Variants in LINGO2 observed in about 807,000 individuals in gnomAD.
LINGO2 encodes leucine rich repeat and Ig domain containing 2, also known as leucine-rich repeat and immunoglobulin-like domain-containing nogo receptor-interacting protein 2.
In LINGO2, 14 loss-of-function variants were observed where a neutral mutation model predicts 30.6. That is an observed-to-expected ratio of 0.46 (90% CI 0.30 to 0.72). LINGO2 has a LOEUF of 0.72. LINGO2 is among the 30% of genes least tolerant of loss of function. The probability of loss-of-function intolerance (pLI) is 0.07; values close to 1 mark genes in which losing one functional copy is unlikely to be tolerated. For synonymous variants in LINGO2, 317 were observed against 288.5 expected (o/e 1.10, Z -1.00); for missense variants, 729 against 751.7 (o/e 0.97, Z 0.35).
At chr9:28,183,146 C>T (rs1819417747) in intron 4 of LINGO2, among the ~76,000 whole-genome samples, 1 of 152,114 alleles carries the variant, frequency 6.6e-6, no homozygotes, top group African/African-American at 2.4e-5. Flanking sequence ...GAGATCATGT[C>T]CTTTGCAGGG....
the LINGO2 span, among the ~76,000 whole-genome samples, chr9:29,180,173 A>G: frequency 6.6e-6 from 1 of 152,156 alleles, no homozygotes; most frequent in African/African-American, 2.4e-5. Flanking sequence ...CCTCTTTCAC[A>G]TACATAAACA....
chr9:28,302,909 A>C, intron 3 of LINGO2, among the ~76,000 whole-genome samples: 1 of 152,160 alleles, frequency 6.6e-6, no homozygotes, highest in East Asian at 1.9e-4. Context: ...CAGAAAAGAT[A>C]AGTAGCTTGC....
In LINGO2 at chr9:28,377,547, T is replaced by TG. The variant is rs970945628; in HGVS notation, c.-278-4680dup. 5.9e-5 allele frequency among the ~76,000 whole-genome samples: 9 copies of TG among 152,164 alleles called. No individual in the cohort carries two copies. The South Asian group carries it at 6.2e-4, about 11-fold the overall frequency. On this transcript the variant is annotated intron_variant, in intron 2 of 5. Coordinates refer to ENST00000379992, the Ensembl canonical transcript of LINGO2. ...TTATACACAGATTTTCAACTGTGTG[T>TG]GGGGGGGTTAGTTTCCCAACCCTTG...
the LINGO2 span, among the ~76,000 whole-genome samples, chr9:28,909,375 G>T: frequency 2.6e-5 from 4 of 151,864 alleles, no homozygotes; most frequent in Admixed American, 1.3e-4. Context: ...ATGATGAAAA[G>T]AATATAAAGT....
the LINGO2 span, among the ~76,000 whole-genome samples, chr9:29,028,577 T>A: frequency 2.6e-5 from 4 of 152,306 alleles, no homozygotes; most frequent in Admixed American, 2.0e-4. Flanking sequence ...TCACTTTGAA[T>A]CTAGGCTACC....
intron 4 of LINGO2, among the ~76,000 whole-genome samples, chr9:28,154,478 T>C (rs539756622): frequency 1.2e-4 from 18 of 152,312 alleles, no homozygotes; most frequent in African/African-American, 4.1e-4. Flanking sequence ...TGAGTAGGTT[T>C]TTATTTATGA....
chr9:28,846,290 T>C, the LINGO2 span, among the ~76,000 whole-genome samples: 11,628 of 151,624 alleles, frequency 0.077, 1,697 homozygotes, highest in African/African-American at 0.26. Flanking sequence ...TGCCTCAAGT[T>C]GCAGTGATAT....
chr9:28,621,300 A>T (rs1292455552), intron 1 of LINGO2, among the ~76,000 whole-genome samples: 4 of 152,076 alleles, frequency 2.6e-5, no homozygotes, highest in African/African-American at 9.7e-5. Flanking sequence ...ATTTTGAGGT[A>T]TAATTAAGTA....
chr9:29,183,233 G>A, the LINGO2 span, among the ~76,000 whole-genome samples: 3 of 152,144 alleles, frequency 2.0e-5, no homozygotes, highest in Admixed American at 6.5e-5. Flanking sequence ...TTTTGTTTGA[G>A]TAAGCTAAGA....
At chr9:28,049,492 G>A (rs899459844) in intron 4 of LINGO2, among the ~76,000 whole-genome samples, 1 of 150,490 alleles carries the variant, frequency 6.6e-6, no homozygotes, top group South Asian at 2.1e-4. Context: ...TTGCATATAG[G>A]GACTAGGCAT....
intron 1 of LINGO2, among the ~76,000 whole-genome samples, chr9:28,496,136 G>C (rs1564242089): frequency 1.3e-5 from 2 of 152,138 alleles, no homozygotes; most frequent in East Asian, 1.9e-4. Flanking sequence ...TGTATATTCT[G>C]TTGATTTGGG....
chr9:28,640,613 C>T (rs904337648), intron 1 of LINGO2, among the ~76,000 whole-genome samples: 3 of 151,268 alleles, frequency 2.0e-5, no homozygotes, highest in South Asian at 2.1e-4. Flanking sequence ...TCCAGTTGAT[C>T]GAATCGGCTA....
the LINGO2 span, among the ~76,000 whole-genome samples, chr9:28,843,559 G>A: frequency 2.6e-5 from 4 of 151,768 alleles, no homozygotes; most frequent in African/African-American, 7.3e-5. Flanking sequence ...TGAAAAATCC[G>A]CATGAGGCAG....
chr9:28,165,625 G>A lies in LINGO2; in HGVS notation c.-87+129583C>T, dbSNP rs147352501. On this transcript the variant is annotated intron_variant, in intron 4 of 5. Coordinates refer to ENST00000379992, the Ensembl canonical transcript of LINGO2. ...AATAAAAAATTATTGAACCTGTAAA[G>A]CTTGTGGTTTTCGTCATAATTGTTT... Among the ~76,000 whole-genome samples, 637 of 152,236 alleles carry A rather than the reference G, an allele frequency of 4.2e-3. 11 individuals carry two copies. Among genetic ancestry groups the A allele is most frequent in the African/African-American group, 0.015 (609 of 41,542 alleles).
At chr9:29,069,654 C>T in the LINGO2 span, among the ~76,000 whole-genome samples, 1 of 151,996 alleles carries the variant, frequency 6.6e-6, no homozygotes, top group African/African-American at 2.4e-5. Flanking sequence ...ATAATTTAGT[C>T]TCTCAATATA....
chr9:28,545,594 T>C (rs1821894439), intron 1 of LINGO2, among the ~76,000 whole-genome samples: 1 of 152,002 alleles, frequency 6.6e-6, no homozygotes, highest in Admixed American at 6.6e-5. Context: ...GAAGTATGTA[T>C]TTAGTTATTC....
rs527861345 is a variant in LINGO2 at position 28,183,004 on chromosome 9, A to C, written c.-87+112204T>G. Among the ~76,000 whole-genome samples, 32 of 152,274 alleles carry C rather than the reference A, an allele frequency of 2.1e-4. No individual in the cohort carries two copies. In the South Asian group the frequency reaches 6.4e-3, roughly 31 times the overall value. ...ATCATTCTGCTATAAAGACACATGC[A>C]CTCGTATGTTTATCACAGCACTATT... On this transcript the variant is annotated intron_variant, in intron 4 of 5. Transcript: ENST00000379992.
At chr9:29,063,667 A>G in the LINGO2 span, among the ~76,000 whole-genome samples, 4 of 152,060 alleles carry the variant, frequency 2.6e-5, no homozygotes, top group African/African-American at 9.7e-5. Context: ...CTGAAAGTGT[A>G]TGGATTACAG....
At chr9:28,110,556 A>ACAAAC (rs1587005482) in intron 4 of LINGO2, among the ~76,000 whole-genome samples, 6 of 151,936 alleles carry the variant, frequency 3.9e-5, no homozygotes, top group East Asian at 1.9e-4. Context: ...CAAGAAAATA[A>ACAAAC]AACCATCGAA....
Sources: gnomAD v4.1 joint callset for allele counts (sites outside exome capture counted in the v4.1 genomes callset) on GRCh38, gnomAD v4.1.1 for gene constraint, MANE v1.5 for transcripts, NCBI Gene and HGNC (gene_info 2026-07-23, HGNC 2026-07-21) for gene names.